PTPRD: variants seen among roughly 807,000 people sequenced by gnomAD.
PTPRD encodes the protein receptor-type tyrosine-protein phosphatase delta.
PTPRD carries 34 observed loss-of-function variants against 214.5 expected under a neutral mutation model. The ratio of observed to expected loss-of-function variants is 0.16; its 90% confidence interval spans 0.12 to 0.21. The LOEUF (loss-of-function observed/expected upper bound fraction) is 0.21, where lower values mean the gene tolerates loss of function less well. Among genes scored for constraint, PTPRD ranks in the 10% least tolerant of loss-of-function variants. The pLI is 1.00. For missense variants in PTPRD, 2,545 were observed against 2,398.7 expected (o/e 1.06, Z -1.27); for synonymous variants, 1,128 against 845.7 (o/e 1.33, Z -5.79).
intron 5 of PTPRD, among the ~76,000 whole-genome samples, chr9:9,862,047 T>C (rs2062891792): frequency 6.6e-6 from 1 of 152,300 alleles, no homozygotes; most frequent in East Asian, 1.9e-4. Flanking sequence ...TAAGAATAGA[T>C]TTGAAAAGAT....
At chr9:9,072,035 G>T (rs2099744498) in intron 10 of PTPRD, among the ~76,000 whole-genome samples, 1 of 152,066 alleles carries the variant, frequency 6.6e-6, no homozygotes, top group South Asian at 2.1e-4. Flanking sequence ...CCGAAGAAGT[G>T]ATTGTTTCCT....
chr9:9,182,293 T>C (rs767262459), intron 10 of PTPRD, among the ~76,000 whole-genome samples: 3 of 152,054 alleles, frequency 2.0e-5, no homozygotes, highest in Non-Finnish European at 4.4e-5. Flanking sequence ...AGTCATAAGA[T>C]ACATCAACCC....
chr9:9,120,342 G>C (rs1331867183), intron 10 of PTPRD, among the ~76,000 whole-genome samples: 1 of 152,222 alleles, frequency 6.6e-6, no homozygotes, highest in South Asian at 2.1e-4. Flanking sequence ...AGACCGTGAT[G>C]ATATATGCCA....
intron 3 of PTPRD, among the ~76,000 whole-genome samples, chr9:10,294,067 C>T (rs1359994602): frequency 1.3e-5 from 2 of 151,844 alleles, no homozygotes; most frequent in South Asian, 2.1e-4. Flanking sequence ...AAAGTTCTAT[C>T]GACATTATTG....
At chr9:8,793,606 G>A (rs1304915990) in intron 11 of PTPRD, among the ~76,000 whole-genome samples, 2 of 152,164 alleles carry the variant, frequency 1.3e-5, no homozygotes, top group African/African-American at 4.8e-5. Context: ...TCTGAGTCCA[G>A]TGCTCTTCCT....
At chr9:10,482,567 G>C (rs1045369210) in intron 2 of PTPRD, among the ~76,000 whole-genome samples, 1 of 151,752 alleles carries the variant, frequency 6.6e-6, no homozygotes, top group African/African-American at 2.4e-5. Context: ...AATCTCTTTG[G>C]AGAAGACCCC....
At chr9:8,538,947 A>C (rs1753482607) in intron 14 of PTPRD, among the ~76,000 whole-genome samples, 1 of 151,924 alleles carries the variant, frequency 6.6e-6, no homozygotes, top group African/African-American at 2.4e-5. Context: ...AAAGAATGAG[A>C]CTGGAACAAG....
At chr9:8,867,918 T>C (rs1323315016) in intron 11 of PTPRD, among the ~76,000 whole-genome samples, 1 of 152,170 alleles carries the variant, frequency 6.6e-6, no homozygotes, top group East Asian at 1.9e-4. Context: ...TTTTTCTAGA[T>C]TACATTGTTG....
chr9:9,152,565 G>T (rs776704424), intron 10 of PTPRD, among the ~76,000 whole-genome samples: 1 of 152,152 alleles, frequency 6.6e-6, no homozygotes, highest in African/African-American at 2.4e-5. Flanking sequence ...AAAAGAAAAC[G>T]AAGTTGTCAA....
intron 5 of PTPRD, among the ~76,000 whole-genome samples, chr9:9,824,632 T>G (rs2052040649): frequency 6.6e-6 from 1 of 152,016 alleles, no homozygotes; most frequent in Non-Finnish European, 1.5e-5. Flanking sequence ...AGAAAACAAC[T>G]GGAACATATT....
intron 5 of PTPRD, chr9:9,800,486 G>A (rs532574679): frequency 6.6e-5 from 10 of 152,158 alleles, no homozygotes; most frequent in South Asian, 2.1e-4. Flanking sequence ...AAAAGCAAAC[G>A]GCCAATTGAT....
intron 3 of PTPRD, among the ~76,000 whole-genome samples, chr9:10,234,367 G>T (rs2099622234): frequency 6.6e-6 from 1 of 151,704 alleles, no homozygotes; most frequent in Non-Finnish European, 1.5e-5. Context: ...GCTTTTACTG[G>T]CCCTAAAACA....
chr9:10,129,722 G>A (rs1016246556), intron 3 of PTPRD, among the ~76,000 whole-genome samples: 1 of 151,866 alleles, frequency 6.6e-6, no homozygotes, highest in African/African-American at 2.4e-5. Flanking sequence ...CAGTAGCAAA[G>A]TAAAGTCTTG....
chr9:8,663,595 A>T (rs2097110346), intron 12 of PTPRD, among the ~76,000 whole-genome samples: 2 of 152,004 alleles, frequency 1.3e-5, no homozygotes, highest in South Asian at 4.1e-4. Flanking sequence ...GGTTCAAGTG[A>T]TTCTCCTGCC....
At chr9:9,793,701 T>C (rs2153479399) in intron 5 of PTPRD, among the ~76,000 whole-genome samples, 1 of 152,234 alleles carries the variant, frequency 6.6e-6, no homozygotes, top group African/African-American at 2.4e-5. Flanking sequence ...GAATATATTA[T>C]TTTAGAAAAA....
intron 8 of PTPRD, among the ~76,000 whole-genome samples, chr9:9,466,280 G>C (rs2094148890): frequency 6.6e-6 from 1 of 152,096 alleles, no homozygotes; most frequent in Non-Finnish European, 1.5e-5. Flanking sequence ...CTCTACTTCA[G>C]ACTGGGCAAC....
At chr9:9,475,489 A>G (rs970759094) in intron 8 of PTPRD, among the ~76,000 whole-genome samples, 2 of 152,230 alleles carry the variant, frequency 1.3e-5, no homozygotes, top group African/African-American at 4.8e-5. Context: ...AGATTTTATC[A>G]GCTCATAAAT....
At chr9:10,058,938 T>G (rs370813405) in intron 3 of PTPRD, among the ~76,000 whole-genome samples, 1 of 152,252 alleles carries the variant, frequency 6.6e-6, no homozygotes, top group East Asian at 1.9e-4. Context: ...TTCTCTGAAA[T>G]AGGTAGAATT....
At chr9:8,873,586 T>C (rs2098338786) in intron 11 of PTPRD, among the ~76,000 whole-genome samples, 1 of 152,218 alleles carries the variant, frequency 6.6e-6, no homozygotes, top group Non-Finnish European at 1.5e-5. Context: ...ATAAATAGTT[T>C]TCTCTATCTC....
Sources: gnomAD v4.1 joint callset for allele counts (sites outside exome capture counted in the v4.1 genomes callset) on GRCh38, gnomAD v4.1.1 for gene constraint, MANE v1.5 for transcripts, NCBI Gene and HGNC (gene_info 2026-07-23, HGNC 2026-07-21) for gene names.